LINGO1: variants seen among roughly 807,000 people sequenced by gnomAD.
LINGO1 encodes the protein leucine rich repeat and Ig domain containing 1, also known as leucine-rich repeat and immunoglobulin-like domain-containing nogo receptor-interacting protein 1.
LINGO1 carries 11 observed loss-of-function variants against 37.3 expected under a neutral mutation model. The ratio of observed to expected loss-of-function variants is 0.29; its 90% CI spans 0.19 to 0.49. The LOEUF is 0.49. Ranked by LOEUF, LINGO1 falls within the 20% of genes least tolerant of loss-of-function variation. LINGO1 has a pLI of 0.99. For missense variants in LINGO1, 585 were observed against 878.2 expected (o/e 0.67, Z 4.22); for synonymous variants, 387 against 403.0 (o/e 0.96, Z 0.48).
intron 1 of LINGO1, among the ~76,000 whole-genome samples, chr15:77,776,450 C>CAGGAAGGCAGGAAGGG (rs2076642173): frequency 8.3e-6 from 1 of 120,992 alleles, no homozygotes; most frequent in African/African-American, 3.4e-5. Context: ...GGGGCTTTAG[C>CAGGAAGGCAGGAAGGG]AGGAAGGCAG....
chr15:77,781,503 T>C (rs2141426390), intron 1 of LINGO1, among the ~76,000 whole-genome samples: 1 of 152,340 alleles, frequency 6.6e-6, no homozygotes, highest in African/African-American at 2.4e-5. Context: ...AAATTAGAAG[T>C]GCCCTAGAGG....
chr15:77,727,814 A>G (rs1339913401), intron 2 of LINGO1, among the ~76,000 whole-genome samples: 1 of 152,122 alleles, frequency 6.6e-6, no homozygotes, highest in Admixed American at 6.5e-5. Context: ...TAGCACTCAG[A>G]GAGGTGAAGT....
At chr15:77,644,415 G>A (rs992069156) in intron 3 of LINGO1, among the ~76,000 whole-genome samples, 9 of 152,310 alleles carry the variant, frequency 5.9e-5, no homozygotes, top group East Asian at 3.9e-4. Context: ...GAGCCTGCAC[G>A]GGAGGTGGTC....
intron 1 of LINGO1, among the ~76,000 whole-genome samples, chr15:77,622,888 G>A (rs778913997): frequency 6.6e-6 from 1 of 152,162 alleles, no homozygotes; most frequent in Non-Finnish European, 1.5e-5. Context: ...AAGAAGCAAC[G>A]GCCTCTGGCG....
chr15:77,705,157 C>T (rs1368563872), intron 2 of LINGO1, among the ~76,000 whole-genome samples: 3 of 66,994 alleles, frequency 4.5e-5, no homozygotes, highest in African/African-American at 1.3e-4. Context: ...CTGAAGATAC[C>T]CCCCTCCCCC....
intron 2 of LINGO1, among the ~76,000 whole-genome samples, chr15:77,702,770 T>G (rs2075801488): frequency 6.6e-6 from 1 of 152,146 alleles, no homozygotes; most frequent in African/African-American, 2.4e-5. Context: ...CTCTTCCCAA[T>G]CCCTGATCCT....
intron 2 of LINGO1, among the ~76,000 whole-genome samples, chr15:77,728,025 G>A (rs779624862): frequency 1.3e-5 from 2 of 152,190 alleles, no homozygotes; most frequent in African/African-American, 2.4e-5. Flanking sequence ...CTAAAGGGCC[G>A]TCCCTGGGAG....
At chr15:77,620,478 G>C (rs1004715342) in intron 1 of LINGO1, among the ~76,000 whole-genome samples, 1 of 152,202 alleles carries the variant, frequency 6.6e-6, no homozygotes, top group Non-Finnish European at 1.5e-5. Context: ...CCTCCTTCAT[G>C]TCCCGGGGCA....
intron 1 of LINGO1, among the ~76,000 whole-genome samples, chr15:77,772,082 C>A (rs2076591528): frequency 1.3e-5 from 2 of 152,228 alleles, no homozygotes; most frequent in African/African-American, 4.8e-5. Context: ...ATAGTACCCT[C>A]CATACAGAAA....
At chr15:77,783,857 C>G (rs781265725) in intron 1 of LINGO1, among the ~76,000 whole-genome samples, 2 of 152,176 alleles carry the variant, frequency 1.3e-5, no homozygotes, top group Non-Finnish European at 2.9e-5. Context: ...CCCACTCCAG[C>G]CGGGAGTGGG....
intron 2 of LINGO1, among the ~76,000 whole-genome samples, chr15:77,708,200 G>A (rs910257080): frequency 1.3e-5 from 2 of 152,204 alleles, no homozygotes; most frequent in African/African-American, 4.8e-5. Flanking sequence ...GTGAAGCGAC[G>A]AGTTTCCACA....
At chr15:77,670,810 G>A (rs2075234591) in intron 3 of LINGO1, among the ~76,000 whole-genome samples, 1 of 152,228 alleles carries the variant, frequency 6.6e-6, no homozygotes, top group Admixed American at 6.5e-5. Context: ...CAAGAAGGCA[G>A]GCAGCTCTGT....
intron 1 of LINGO1, among the ~76,000 whole-genome samples, chr15:77,783,275 T>G (rs1395473512): frequency 6.6e-6 from 1 of 152,188 alleles, no homozygotes; most frequent in Admixed American, 6.5e-5. Flanking sequence ...GGAGGAGCAG[T>G]GTGCATAACG....
intron 1 of LINGO1, among the ~76,000 whole-genome samples, chr15:77,815,489 C>G (rs997308916): frequency 1.3e-5 from 2 of 152,210 alleles, no homozygotes; most frequent in Non-Finnish European, 2.9e-5. Flanking sequence ...TACAAAATCC[C>G]ACTCAAACTC....
intron 2 of LINGO1, among the ~76,000 whole-genome samples, chr15:77,724,495 C>T (rs1015407822): frequency 7.2e-5 from 11 of 152,210 alleles, no homozygotes; most frequent in African/African-American, 2.2e-4. Context: ...TCTGTGTCCC[C>T]GTTGTTGAGA....
chr15:77,654,657 T>C (rs1019742200), intron 3 of LINGO1, among the ~76,000 whole-genome samples: 2 of 152,028 alleles, frequency 1.3e-5, no homozygotes, highest in Non-Finnish European at 2.9e-5. Flanking sequence ...GAGAGAGACC[T>C]GGAGAGGTCA....
At chr15:77,781,543 T>C (rs1244984111) in intron 1 of LINGO1, among the ~76,000 whole-genome samples, 1 of 152,220 alleles carries the variant, frequency 6.6e-6, no homozygotes, top group Non-Finnish European at 1.5e-5. Flanking sequence ...AGTCCCTGAA[T>C]CTAAAGGCTC....
intron 1 of LINGO1, among the ~76,000 whole-genome samples, chr15:77,750,401 T>C (rs2076359183): frequency 6.6e-6 from 1 of 152,236 alleles, no homozygotes; most frequent in Admixed American, 6.5e-5. Context: ...TTATTTGTTT[T>C]ACACACACAC....
At chr15:77,759,506 A>G (rs2076453370) in intron 1 of LINGO1, among the ~76,000 whole-genome samples, 1 of 152,230 alleles carries the variant, frequency 6.6e-6, no homozygotes, top group Admixed American at 6.5e-5. Flanking sequence ...CTGACATCAC[A>G]GGGTGGCTGT....
Sources: allele counts gnomAD v4.1 joint callset (sites outside exome capture counted in the v4.1 genomes callset), GRCh38; gene constraint gnomAD v4.1.1; transcripts MANE v1.5; gene names NCBI Gene and HGNC (gene_info 2026-07-23, HGNC 2026-07-21).